LRRIQ1: variants seen among roughly 807,000 people sequenced by gnomAD.
LRRIQ1 encodes the protein leucine-rich repeat- and IQ domain-containing protein 1.
LRRIQ1 carries 210 observed loss-of-function variants against 211.9 expected under a neutral mutation model. The observed-to-expected ratio is 0.99, with a 90% CI of 0.89 to 1.11. The LOEUF is 1.11. LRRIQ1 is among the 50% of genes most tolerant of loss of function. The probability of loss-of-function intolerance (pLI) is 0.00; values close to 1 mark genes in which losing one functional copy is unlikely to be tolerated. For missense variants in LRRIQ1, 2,136 were observed against 1,939.5 expected, an observed-to-expected ratio of 1.10 and a Z score of -1.90; for synonymous variants, 699 against 650.1, an observed-to-expected ratio of 1.08 and a Z score of -1.14.
intron 18 of LRRIQ1, among the ~76,000 whole-genome samples, chr12:85,131,493 C>A (rs1447871280): frequency 6.6e-6 from 1 of 152,040 alleles, no homozygotes; most frequent in African/African-American, 2.4e-5. Flanking sequence ...TGAGCTACAC[C>A]TTAAGTAATA....
chr12:85,062,517 G>A (rs866818744), intron 8 of LRRIQ1, among the ~76,000 whole-genome samples: 15 of 151,308 alleles, frequency 9.9e-5, no homozygotes, highest in African/African-American at 2.7e-4. Context: ...ATGTTGCTGC[G>A]AAAGGCATGA....
intron 19 of LRRIQ1, 78 bp from the exon 20 acceptor site, chr12:85,152,202 G>A: frequency 8.5e-7 from 1 of 1,175,308 alleles, no homozygotes. Flanking sequence ...AACATTTGTA[G>A]TCTATAAGAT....
chr12:85,213,885 G>A (rs1327889502), intron 24 of LRRIQ1, among the ~76,000 whole-genome samples: 1 of 151,854 alleles, frequency 6.6e-6, no homozygotes, highest in Non-Finnish European at 1.5e-5. Flanking sequence ...TGCAACCCTG[G>A]CAAGTTTGAT....
intron 24 of LRRIQ1, among the ~76,000 whole-genome samples, chr12:85,194,880 A>C (rs919792847): frequency 2.0e-5 from 3 of 152,166 alleles, no homozygotes; most frequent in Admixed American, 6.6e-5. Flanking sequence ...TAATGAATCC[A>C]GGAGCTGGTT....
chr12:85,196,200 T>A (rs1231445897), intron 24 of LRRIQ1, among the ~76,000 whole-genome samples: 1 of 152,010 alleles, frequency 6.6e-6, no homozygotes, highest in Non-Finnish European at 1.5e-5. Flanking sequence ...TGGAAGAACA[T>A]ACCATGCTCA....
chr12:85,195,459 C>G (rs1460804029), intron 24 of LRRIQ1, among the ~76,000 whole-genome samples: 2 of 151,576 alleles, frequency 1.3e-5, no homozygotes, highest in African/African-American at 4.8e-5. Context: ...AGCAGCACAT[C>G]AAAAAGCTTA....
chr12:85,233,069 T>A, intron 26 of LRRIQ1: 1 of 255,096 alleles, frequency 3.9e-6, no homozygotes, highest in Non-Finnish European at 7.4e-6. Context: ...AAGAGTAGAA[T>A]TTGTAGGCTA....
downstream of LRRIQ1, among the ~76,000 whole-genome samples, chr12:85,267,734 C>T (rs1167789240): frequency 1.3e-5 from 2 of 151,940 alleles, no homozygotes; most frequent in Non-Finnish European, 2.9e-5. Flanking sequence ...GATACATAGA[C>T]AAAGTAAGAA....
At chr12:85,267,447 A>G (rs190974298), downstream of LRRIQ1, among the ~76,000 whole-genome samples, 33 of 152,216 alleles carry the variant, frequency 2.2e-4, no homozygotes, top group Admixed American at 2.0e-3. Flanking sequence ...ATTAACATCT[A>G]TAAGTATGTA....
chr12:85,178,920 A>G (rs1210548066), intron 24 of LRRIQ1, among the ~76,000 whole-genome samples: 1 of 151,594 alleles, frequency 6.6e-6, no homozygotes, highest in African/African-American at 2.4e-5. Context: ...TTTAAAAAAA[A>G]AAAAACAGCC....
In LRRIQ1 at chr12:85,056,739, A is replaced by C. The variant is rs751246558; in HGVS notation, c.1946A>C (p.Asn649Thr). Residue 649 changes from asparagine to threonine, a missense_variant, in exon 8 of 27, where the codon AAT becomes ACT. By Grantham distance (65) the Asn-to-Thr change is moderately conservative (BLOSUM62 0). Transcript: ENST00000393217. Reference sequence around the variant, plus strand: ...GAAATTGAGGAGAACCCAAAAGACAATGCTTGGAATAGTGGCATTGTGATT... The same window carrying C: ...GAAATTGAGGAGAACCCAAAAGACACTGCTTGGAATAGTGGCATTGTGATT... ...SKEIEENPKD[N>T]AWNSGIVIFN... The C allele has an allele frequency of 6.2e-7, 1 of 1,604,698 alleles. No individual in the cohort carries two copies. The highest frequency in any genetic ancestry group is 8.5e-7 in the Non-Finnish European group (1 of 1,177,644).
chr12:85,173,190 G>C (rs1205382939), intron 24 of LRRIQ1, among the ~76,000 whole-genome samples: 1 of 152,022 alleles, frequency 6.6e-6, no homozygotes, highest in African/African-American at 2.4e-5. Flanking sequence ...ATAAAATTCT[G>C]TAAATTCTGT....
At chr12:85,249,100 GA>G (rs1895823605), downstream of LRRIQ1, among the ~76,000 whole-genome samples, 1 of 151,696 alleles carries the variant, frequency 6.6e-6, no homozygotes, top group Admixed American at 6.6e-5. Flanking sequence ...CTAATATATT[GA>G]AAGAGTAATT....
chr12:85,142,613 G>T (rs544400948), intron 19 of LRRIQ1, among the ~76,000 whole-genome samples: 1 of 151,132 alleles, frequency 6.6e-6, no homozygotes, highest in African/African-American at 2.4e-5. Flanking sequence ...TCCTGCAACC[G>T]CCACCACCAC....
chr12:85,081,711 TTTC>T lies in LRRIQ1; in HGVS notation c.2887+8625_2887+8627del, dbSNP rs1175838965. 2.1e-5 allele frequency among the ~76,000 whole-genome samples: 3 copies of T among 145,576 alleles called. No homozygotes were observed. The South Asian group carries it at 6.6e-4, about 32-fold the overall frequency. ...ACATTTGTCATTTTTATGCCCTTTA[TTTC>T]TTCTTCTTCTTTTTTTTTTTTTTTT... On this transcript the variant is annotated intron_variant, in intron 11 of 26. Transcript: ENST00000393217.
downstream of LRRIQ1, among the ~76,000 whole-genome samples, chr12:85,266,970 T>C (rs1026079930): frequency 6.6e-6 from 1 of 152,152 alleles, no homozygotes; most frequent in Non-Finnish European, 1.5e-5. Context: ...AGTGTTGTTA[T>C]AACCACATTT....
intron 23 of LRRIQ1, among the ~76,000 whole-genome samples, chr12:85,159,885 A>G (rs775608277): frequency 1.9e-4 from 29 of 151,998 alleles, no homozygotes; most frequent in Non-Finnish European, 3.4e-4. Context: ...CTGAGATTAC[A>G]TATATTAATA....
chr12:85,075,620 C>G (rs1413997805), intron 11 of LRRIQ1, among the ~76,000 whole-genome samples: 2 of 151,980 alleles, frequency 1.3e-5, no homozygotes, highest in African/African-American at 4.8e-5. Flanking sequence ...TCCCCCCTAC[C>G]CCAATCATGA....
rs201880108 is a variant in LRRIQ1 at position 85,124,191 on chromosome 12, G to A, written c.3679G>A (p.Glu1227Lys). 171 of 1,613,952 alleles carry A rather than the reference G, an allele frequency of 1.1e-4. 1 individual carries two copies. Among genetic ancestry groups the A allele is most frequent in the Non-Finnish European group, 1.4e-4 (164 of 1,180,008 alleles). Residue 1227 changes from glutamate to lysine, a missense_variant, in exon 17 of 27, where the codon GAA becomes AAA. By Grantham distance (56) the Glu-to-Lys change is moderately conservative. Transcript: ENST00000393217. The stretch of plus-strand genomic sequence containing the variant: ...GGATGTAACTATCACCAAGAAAGAT[G>A]AATCAGAAGCCCAGAAAAATCATTT... ...RGDVTITKKD[E>K]SEAQKNHLAP...
Sources: gnomAD v4.1 joint callset for allele counts (sites outside exome capture counted in the v4.1 genomes callset) on GRCh38, gnomAD v4.1.1 for gene constraint, MANE v1.5 for transcripts, NCBI Gene and HGNC (gene_info 2026-07-23, HGNC 2026-07-21) for gene names.